MBD5: variants seen among roughly 807,000 people sequenced by gnomAD.
MBD5 encodes methyl-CpG binding domain protein 5, also known as methyl-CpG-binding domain protein 5.
In MBD5, 13 loss-of-function variants were observed where a neutral mutation model predicts 117.3. The ratio of observed to expected loss-of-function variants is 0.11; its 90% CI spans 0.07 to 0.18. MBD5 has a LOEUF of 0.18. Ranked by LOEUF, MBD5 falls within the 10% of genes least tolerant of loss-of-function variation. MBD5 has a pLI of 1.00. For synonymous variants in MBD5, 727 were observed against 766.4 expected, an observed-to-expected ratio of 0.95 and a Z score of 0.85; for missense variants, 1,879 against 2,093.8, an observed-to-expected ratio of 0.90 and a Z score of 2.00.
intron 7 of MBD5, among the ~76,000 whole-genome samples, chr2:148,467,757 A>T (rs1301496818): frequency 6.6e-6 from 1 of 152,182 alleles, no homozygotes; most frequent in African/African-American, 2.4e-5. Context: ...TCTTACTCTC[A>T]TAGTGAAAAT....
intron 1 of MBD5, among the ~76,000 whole-genome samples, chr2:148,064,599 C>G (rs1695135205): frequency 6.6e-6 from 1 of 152,162 alleles, no homozygotes; most frequent in African/African-American, 2.4e-5. Context: ...ATTCTCCCAG[C>G]CCCAACCCTG....
At chr2:148,355,089 C>T (rs62183969) in intron 4 of MBD5, among the ~76,000 whole-genome samples, 1 of 151,882 alleles carries the variant, frequency 6.6e-6, no homozygotes, top group Non-Finnish European at 1.5e-5. Context: ...AGTGTCTGTT[C>T]ATATCCTTTG....
intron 1 of MBD5, among the ~76,000 whole-genome samples, chr2:148,038,241 A>G (rs971634879): frequency 1.2e-4 from 19 of 152,024 alleles, no homozygotes; most frequent in Admixed American, 9.8e-4. Context: ...AGGAGGAATC[A>G]CATTTTTAAA....
chr2:148,228,961 T>A (rs1285478608), intron 2 of MBD5, among the ~76,000 whole-genome samples: 2 of 152,322 alleles, frequency 1.3e-5, no homozygotes, highest in African/African-American at 4.8e-5. Flanking sequence ...TGATATCCCC[T>A]TTGTCATTTT....
chr2:148,060,528 G>A (rs1454405200), intron 1 of MBD5, among the ~76,000 whole-genome samples: 2 of 152,190 alleles, frequency 1.3e-5, no homozygotes, highest in East Asian at 3.9e-4. Context: ...ACTTAACTGA[G>A]GCATGGACTG....
At chr2:148,306,294 G>A (rs1024764151) in intron 3 of MBD5, among the ~76,000 whole-genome samples, 8 of 152,046 alleles carry the variant, frequency 5.3e-5, no homozygotes, top group Non-Finnish European at 8.8e-5. Flanking sequence ...ATCTTAAGAG[G>A]GCTTTGTAAG....
chr2:148,212,411 T>C (rs1295827206), intron 2 of MBD5, among the ~76,000 whole-genome samples: 1 of 152,218 alleles, frequency 6.6e-6, no homozygotes, highest in African/African-American at 2.4e-5. Flanking sequence ...AGAATTCCAT[T>C]ACTTTTTATA....
intron 4 of MBD5, among the ~76,000 whole-genome samples, chr2:148,371,639 A>C (rs1703856031): frequency 6.6e-6 from 1 of 152,182 alleles, no homozygotes; most frequent in South Asian, 2.1e-4. Flanking sequence ...CTTAGAGTGG[A>C]AAAGAAGGGC....
chr2:148,294,786 G>A (rs542306641), intron 3 of MBD5, among the ~76,000 whole-genome samples: 16 of 152,172 alleles, frequency 1.1e-4, no homozygotes, highest in African/African-American at 3.1e-4. Flanking sequence ...GATTACAGGC[G>A]TGAGCCACCA....
chr2:148,470,536 TTTA>T (rs1680762852), intron 8 of MBD5, 75 bp downstream of exon 8: 1 of 1,139,670 alleles, frequency 8.8e-7, no homozygotes, highest in Non-Finnish European at 1.2e-6. Flanking sequence ...TACCAAAATA[TTTA>T]TTATGATAAG....
intron 8 of MBD5, among the ~76,000 whole-genome samples, chr2:148,479,817 G>A (rs114059421): frequency 6.7e-6 from 1 of 149,970 alleles, no homozygotes; most frequent in Non-Finnish European, 1.5e-5. Flanking sequence ...CACTTGACTA[G>A]TTTTCCCTGA....
intron 1 of MBD5, among the ~76,000 whole-genome samples, chr2:148,154,521 C>T (rs74777700): frequency 6.6e-6 from 1 of 152,312 alleles, no homozygotes; most frequent in Non-Finnish European, 1.5e-5. Context: ...GTGGGCGCCC[C>T]TCCCCCAGCC....
chr2:148,422,648 G>A (rs1475439341), intron 4 of MBD5, among the ~76,000 whole-genome samples: 4 of 152,180 alleles, frequency 2.6e-5, no homozygotes, highest in Non-Finnish European at 4.4e-5. Context: ...AGCTAAAGGA[G>A]TGTGTTCTAA....
chr2:148,110,192 CTT>C (rs1696474885), intron 1 of MBD5, among the ~76,000 whole-genome samples: 1 of 152,092 alleles, frequency 6.6e-6, no homozygotes, highest in African/African-American at 2.4e-5. Flanking sequence ...TTATTAGCCT[CTT>C]ATTAAAAATG....
intron 2 of MBD5, chr2:148,196,290 G>A (rs1698986218): frequency 6.6e-6 from 1 of 152,056 alleles, no homozygotes; most frequent in African/African-American, 2.4e-5. Context: ...ATGGATGTTA[G>A]ATCTTTCCAC....
intron 11 of MBD5, among the ~76,000 whole-genome samples, chr2:148,496,216 C>T: frequency 6.6e-6 from 1 of 152,150 alleles, no homozygotes; most frequent in Non-Finnish European, 1.5e-5. Context: ...AATCAATGCC[C>T]TGTCAGCACC....
At chr2:148,176,309 T>TG (rs1301349435) in intron 1 of MBD5, among the ~76,000 whole-genome samples, 23 of 150,898 alleles carry the variant, frequency 1.5e-4, no homozygotes, top group African/African-American at 4.6e-4. Context: ...GTTTTGTTTT[T>TG]TTTTTTTTTT....
intron 4 of MBD5, among the ~76,000 whole-genome samples, chr2:148,421,194 A>G (rs942003640): frequency 2.0e-5 from 3 of 152,186 alleles, no homozygotes; most frequent in Non-Finnish European, 4.4e-5. Flanking sequence ...CGCATAAGGC[A>G]CGTGATTTCT....
At chr2:148,483,033 A>T (rs776187689) in intron 8 of MBD5, 77 bp from the exon 9 acceptor site, 6 of 1,486,006 alleles carry the variant, frequency 4.0e-6, no homozygotes, top group Non-Finnish European at 5.5e-6. Flanking sequence ...ATTTATGTTA[A>T]TGCATTTTTA....
Sources: allele counts gnomAD v4.1 joint callset (sites outside exome capture counted in the v4.1 genomes callset), GRCh38; gene constraint gnomAD v4.1.1; transcripts MANE v1.5; gene names NCBI Gene and HGNC (gene_info 2026-07-23, HGNC 2026-07-21).